Variants in MAP3K5 observed in about 807,000 individuals in gnomAD.
MAP3K5 encodes mitogen-activated protein kinase kinase kinase 5.
A neutral mutation model predicts 158.7 loss-of-function variants in MAP3K5; 56 were observed. The ratio of observed to expected loss-of-function variants is 0.35; its 90% CI spans 0.28 to 0.44. MAP3K5 has a LOEUF of 0.44. Among genes scored for constraint, MAP3K5 ranks in the 20% least tolerant of loss-of-function variants. The probability of loss-of-function intolerance (pLI) is 1.00; values close to 1 mark genes in which losing one functional copy is unlikely to be tolerated. For missense variants in MAP3K5, 1,294 were observed against 1,674.8 expected (o/e 0.77, Z 3.97); for synonymous variants, 579 against 601.7 (o/e 0.96, Z 0.55).
intron 19 of MAP3K5, among the ~76,000 whole-genome samples, chr6:136,603,797 T>C (rs1335181855): frequency 6.6e-6 from 1 of 152,222 alleles, no homozygotes; most frequent in Admixed American, 6.5e-5. Context: ...CATCCACTCA[T>C]GGCAAGAAAG....
chr6:136,671,200 G>C (rs960774289), intron 7 of MAP3K5, among the ~76,000 whole-genome samples: 2 of 152,128 alleles, frequency 1.3e-5, no homozygotes, highest in Non-Finnish European at 2.9e-5. Flanking sequence ...ATATGAAAAG[G>C]AAGATGCAAA....
chr6:136,640,655 C>T (rs1303905941), intron 12 of MAP3K5, among the ~76,000 whole-genome samples: 1 of 152,210 alleles, frequency 6.6e-6, no homozygotes, highest in Non-Finnish European at 1.5e-5. Flanking sequence ...CCCTGCTGGG[C>T]TGTGAATTCC....
intron 3 of MAP3K5, among the ~76,000 whole-genome samples, chr6:136,702,759 G>A (rs1420311683): frequency 2.0e-5 from 3 of 152,162 alleles, no homozygotes; most frequent in Non-Finnish European, 4.4e-5. Context: ...ACAGTGACAT[G>A]ATCTCGGCTC....
At chr6:136,640,002 G>A (rs560133588) in intron 12 of MAP3K5, among the ~76,000 whole-genome samples, 40 of 152,320 alleles carry the variant, frequency 2.6e-4, no homozygotes, top group Non-Finnish European at 5.0e-4. Flanking sequence ...TGATTCTGGT[G>A]CTATGCAATC....
intron 7 of MAP3K5, among the ~76,000 whole-genome samples, chr6:136,685,509 C>G (rs1780109771): frequency 6.6e-6 from 1 of 152,030 alleles, no homozygotes; most frequent in African/African-American, 2.4e-5. Flanking sequence ...CACTGTGGGT[C>G]AGGAACATTT....
chr6:136,585,794 G>A (rs1489191759), intron 23 of MAP3K5, among the ~76,000 whole-genome samples: 2 of 152,148 alleles, frequency 1.3e-5, no homozygotes, highest in African/African-American at 2.4e-5. Flanking sequence ...CTATAGGCAT[G>A]AGCCACCATG....
chr6:136,614,110 T>C (rs372956940), intron 16 of MAP3K5, 49 bp downstream of exon 16: 1 of 1,594,014 alleles, frequency 6.3e-7, no homozygotes, highest in East Asian at 2.2e-5. Context: ...TTTACTCCCC[T>C]CCGAAGCTCT....
intron 7 of MAP3K5, among the ~76,000 whole-genome samples, chr6:136,687,380 T>C (rs886237399): frequency 6.6e-6 from 1 of 152,074 alleles, no homozygotes; most frequent in African/African-American, 2.4e-5. Flanking sequence ...ACTTCATGAC[T>C]AAAACACCAA....
At position 136,609,896 on chromosome 6, in the gene MAP3K5, C is replaced by G. The variant is rs943948410; in HGVS notation, c.2521+1386G>C. Among the ~76,000 whole-genome samples the G allele has an allele frequency of 2.6e-5, 4 of 151,196 alleles. No homozygotes were observed. Among genetic ancestry groups the G allele is most frequent in the African/African-American group, 9.7e-5 (4 of 41,058 alleles). On this transcript the variant is annotated intron_variant, in intron 18 of 29. Transcript: ENST00000359015. The surrounding 1 kb of genome is among the most constrained non-coding windows in gnomAD (Gnocchi z 4.4). ...ACTGCTTAAACCCAGGAGTTCAAGA[C>G]CAGCCTGGGCAACATAGCAAGACCC...
At position 136,699,882 on chromosome 6, in the gene MAP3K5, C is replaced by T. The variant is rs549014854; in HGVS notation, c.613-1200G>A. Among the ~76,000 whole-genome samples, 3 of 152,204 alleles carry T rather than the reference C, an allele frequency of 2.0e-5. No homozygotes were observed. In the East Asian group the frequency reaches 5.8e-4, roughly 29 times the overall value. On this transcript the variant is annotated intron_variant, in intron 3 of 29. Coordinates refer to ENST00000359015, the MANE Select transcript of MAP3K5 (RefSeq NM_005923.4). ...GCCAAGGCGGGCAGATTGCTTGAAG[C>T]CAGGAGTTCAAGATCAGCCTGGCCA... is the stretch of plus-strand genomic sequence containing the variant.
intron 1 of MAP3K5, among the ~76,000 whole-genome samples, chr6:136,776,637 G>A (rs1474836156): frequency 2.6e-5 from 4 of 152,184 alleles, no homozygotes; most frequent in Non-Finnish European, 5.9e-5. Context: ...AATACTCCTG[G>A]AAGGTTACTT....
Position 136,778,139 on chromosome 6 carries a change from C to T in MAP3K5, c.448+13571G>A, listed in dbSNP as rs963272740. ...TCTTCTTAATTAAAGAATCATAATACCCCTCTTGGAAGTAAATTTAATAAT... is the reference window on the plus strand; with the variant it reads ...TCTTCTTAATTAAAGAATCATAATATCCCTCTTGGAAGTAAATTTAATAAT... On this transcript the variant is annotated intron_variant, in intron 1 of 29. Transcript: ENST00000359015. Among the ~76,000 whole-genome samples, 5 of 151,902 alleles carry T rather than the reference C, an allele frequency of 3.3e-5. 1 individual carries two copies. Among genetic ancestry groups the T allele is most frequent in the African/African-American group, 1.2e-4 (5 of 41,344 alleles).
chr6:136,665,740 C>T (rs548106401), intron 8 of MAP3K5, among the ~76,000 whole-genome samples: 3 of 152,280 alleles, frequency 2.0e-5, no homozygotes, highest in South Asian at 2.1e-4. Flanking sequence ...TTCTAATTTT[C>T]GGAAAAGTTG....
At chr6:136,740,205 G>A (rs746345916) in intron 1 of MAP3K5, among the ~76,000 whole-genome samples, 3 of 152,172 alleles carry the variant, frequency 2.0e-5, no homozygotes, top group African/African-American at 4.8e-5. Flanking sequence ...GCAATTTTTC[G>A]TCTTTTCTTT....
At chr6:136,686,654 G>A (rs1433556797) in intron 7 of MAP3K5, among the ~76,000 whole-genome samples, 1 of 152,140 alleles carries the variant, frequency 6.6e-6, no homozygotes, top group Non-Finnish European at 1.5e-5. Context: ...GCCAAATCAT[G>A]AGTGAACTCC....
At chr6:136,597,799 C>G (rs1051924318) in intron 21 of MAP3K5, among the ~76,000 whole-genome samples, 1 of 152,234 alleles carries the variant, frequency 6.6e-6, no homozygotes, top group African/African-American at 2.4e-5. Context: ...CATCCTCACA[C>G]AGCCATCGGA....
intron 2 of MAP3K5, among the ~76,000 whole-genome samples, chr6:136,713,675 T>G (rs868274829): frequency 3.9e-5 from 6 of 152,204 alleles, no homozygotes; most frequent in Non-Finnish European, 5.9e-5. Context: ...ATAGCTTAGA[T>G]GAAAGTTAGA....
At chr6:136,777,474 C>T (rs987934548) in intron 1 of MAP3K5, among the ~76,000 whole-genome samples, 10 of 152,126 alleles carry the variant, frequency 6.6e-5, no homozygotes, top group Admixed American at 6.5e-4. Flanking sequence ...TATTTGAAAC[C>T]CGAATTTTCC....
intron 8 of MAP3K5, among the ~76,000 whole-genome samples, chr6:136,668,969 A>G (rs554434044): frequency 1.4e-4 from 22 of 152,338 alleles, no homozygotes; most frequent in Non-Finnish European, 2.5e-4. Flanking sequence ...ATGTCTCACA[A>G]AACAGTAACC....
Sources: allele counts gnomAD v4.1 joint callset (sites outside exome capture counted in the v4.1 genomes callset), GRCh38; gene constraint gnomAD v4.1.1; non-coding constraint Gnocchi (gnomAD v3.1); transcripts MANE v1.5; gene names NCBI Gene and HGNC (gene_info 2026-07-23, HGNC 2026-07-21).